Variants in TRAK1 observed in about 807,000 individuals in gnomAD.
The protein encoded by TRAK1 is trafficking kinesin-binding protein 1.
A neutral mutation model predicts 92.1 loss-of-function variants in TRAK1; 33 were observed. The ratio of observed to expected loss-of-function variants is 0.36; its 90% confidence interval spans 0.27 to 0.48. The LOEUF is 0.48. TRAK1 is among the 20% of genes least tolerant of loss of function. TRAK1 has a pLI of 0.99. For missense variants in TRAK1, 1,123 were observed against 1,257.9 expected, an observed-to-expected ratio of 0.89 and a Z score of 1.62; for synonymous variants, 521 against 517.3, an observed-to-expected ratio of 1.01 and a Z score of -0.10.
intron 1 of TRAK1, among the ~76,000 whole-genome samples, chr3:42,111,187 G>A (rs781718642): frequency 2.0e-5 from 3 of 152,006 alleles, no homozygotes; most frequent in Non-Finnish European, 4.4e-5. Flanking sequence ...AATCTGAGAC[G>A]GTGAAAAAAG....
intron 12 of TRAK1, 89 bp downstream of exon 12, chr3:42,201,143 A>G (rs987270224): frequency 2.7e-5 from 38 of 1,390,758 alleles, no homozygotes; most frequent in Non-Finnish European, 3.5e-5. Flanking sequence ...ATTAAGAGGG[A>G]GGTAGATGAG....
intron 1 of TRAK1, among the ~76,000 whole-genome samples, chr3:42,020,554 A>G (rs1196620607): frequency 2.0e-5 from 3 of 152,092 alleles, no homozygotes; most frequent in Non-Finnish European, 2.9e-5. Flanking sequence ...TTACCTGTGG[A>G]TGGACATTTG....
At chr3:42,023,006 A>G (rs537576165) in intron 1 of TRAK1, among the ~76,000 whole-genome samples, 2 of 151,960 alleles carry the variant, frequency 1.3e-5, no homozygotes, top group Non-Finnish European at 2.9e-5. Context: ...AAAATACAAA[A>G]AATTAGCTGG....
At chr3:42,144,693 A>G (rs1699115917) in intron 2 of TRAK1, among the ~76,000 whole-genome samples, 1 of 152,072 alleles carries the variant, frequency 6.6e-6, no homozygotes, top group Admixed American at 6.5e-5. Flanking sequence ...ATTTTTTTTT[A>G]ACTTTAACAA....
At chr3:42,132,892 T>C (rs750851380) in intron 2 of TRAK1, among the ~76,000 whole-genome samples, 2 of 152,196 alleles carry the variant, frequency 1.3e-5, no homozygotes, top group Non-Finnish European at 2.9e-5. Context: ...AAGTGGATTG[T>C]TCCCCCTCCA....
chr3:42,199,151 A>T, intron 10 of TRAK1, 26 bp from the exon 11 acceptor site: 1 of 1,612,688 alleles, frequency 6.2e-7, no homozygotes. Context: ...CGCTCACTTG[A>T]CATTTGTCTT....
intron 2 of TRAK1, among the ~76,000 whole-genome samples, chr3:42,169,432 G>A (rs1191501479): frequency 6.6e-6 from 1 of 152,026 alleles, no homozygotes; most frequent in Non-Finnish European, 1.5e-5. Context: ...GTTTGTGTGT[G>A]CATATATGGT....
chr3:42,087,992 G>C (rs1309649009), upstream of TRAK1, among the ~76,000 whole-genome samples: 1 of 152,208 alleles, frequency 6.6e-6, no homozygotes, highest in Non-Finnish European at 1.5e-5. Context: ...AGGAAGCATT[G>C]AGACAAGTGC....
chr3:42,195,365 G>A (rs1053945352), intron 10 of TRAK1, among the ~76,000 whole-genome samples: 9 of 152,298 alleles, frequency 5.9e-5, no homozygotes, highest in African/African-American at 1.9e-4. Flanking sequence ...TAGACAGATG[G>A]CCTAAAGAGC....
At chr3:42,098,717 A>G (rs1706301578) in intron 1 of TRAK1, among the ~76,000 whole-genome samples, 1 of 152,094 alleles carries the variant, frequency 6.6e-6, no homozygotes, top group Non-Finnish European at 1.5e-5. Flanking sequence ...GCTACCTTCT[A>G]TCATGGTGTT....
intron 1 of TRAK1, among the ~76,000 whole-genome samples, chr3:42,118,758 G>T (rs973829943): frequency 6.6e-6 from 1 of 152,244 alleles, no homozygotes; most frequent in Non-Finnish European, 1.5e-5. Flanking sequence ...CCTAGGAAGG[G>T]TTATACCTCT....
chr3:42,179,648 A>T (rs894912969), intron 3 of TRAK1, among the ~76,000 whole-genome samples: 4 of 152,196 alleles, frequency 2.6e-5, no homozygotes, highest in African/African-American at 7.2e-5. Flanking sequence ...TGTGTCAGTC[A>T]GTGCAAGAGT....
chr3:42,084,138 T>C (rs1704558856), upstream of TRAK1, among the ~76,000 whole-genome samples: 1 of 152,216 alleles, frequency 6.6e-6, no homozygotes, highest in African/African-American at 2.4e-5. Context: ...TTAATGTTTT[T>C]ATATACTTTA....
intron 2 of TRAK1, among the ~76,000 whole-genome samples, chr3:42,125,964 C>T (rs935203514): frequency 1.3e-5 from 2 of 152,076 alleles, no homozygotes; most frequent in Non-Finnish European, 2.9e-5. Context: ...GATTCTCCTG[C>T]TTCAGCCTCC....
intron 1 of TRAK1, among the ~76,000 whole-genome samples, chr3:42,053,688 G>A (rs761448164): frequency 3.6e-4 from 54 of 152,070 alleles, no homozygotes; most frequent in Non-Finnish European, 6.6e-4. Flanking sequence ...GCCTGACCTG[G>A]GCTGGTCAAG....
At position 42,029,549 on chromosome 3, in the gene TRAK1, A is replaced by ATT. The variant is rs58539922; in HGVS notation, c.-519+15449_-519+15450dup. Among the ~76,000 whole-genome samples, 175 of 136,416 alleles carry ATT rather than the reference A, an allele frequency of 1.3e-3. 1 individual carries two copies. The highest frequency in any genetic ancestry group is 4.2e-3 in the African/African-American group (153 of 36,792). 89.5% of individuals were successfully genotyped at this position (136,416 alleles called of 152,430 possible). On this transcript the variant is annotated intron_variant, in intron 1 of 16. Coordinates refer to the TRAK1 transcript ENST00000487159. The stretch of plus-strand genomic sequence containing the variant: ...GAGTCAGTGTGCCCAGCCTGATAGA[A>ATT]TTTTTTTTTTTTTTTTTTGAGACAG...
At chr3:42,218,298 A>G in intron 14 of TRAK1, 1 of 985,348 alleles carries the variant, frequency 1.0e-6, no homozygotes, top group Non-Finnish European at 1.2e-6. Context: ...TGTCAAATCC[A>G]AGAGAAAATA....
chr3:42,047,225 T>TC (rs1553704405), intron 1 of TRAK1, among the ~76,000 whole-genome samples: 1 of 133,244 alleles, frequency 7.5e-6, no homozygotes, highest in Admixed American at 8.0e-5. Flanking sequence ...TTTTTTTTTT[T>TC]AAATCTGTCG....
chr3:42,127,246 T>A (rs1710687100), intron 2 of TRAK1, among the ~76,000 whole-genome samples: 1 of 152,148 alleles, frequency 6.6e-6, no homozygotes, highest in Non-Finnish European at 1.5e-5. Flanking sequence ...TTGGGAAATC[T>A]CTCTGCGTTA....
Sources: allele counts gnomAD v4.1 joint callset (sites outside exome capture counted in the v4.1 genomes callset), GRCh38; gene constraint gnomAD v4.1.1; transcripts MANE v1.5; gene names NCBI Gene and HGNC (gene_info 2026-07-23, HGNC 2026-07-21).